CDH12: variants seen among roughly 807,000 people sequenced by gnomAD.
CDH12 encodes cadherin 12.
In CDH12, 41 loss-of-function variants were observed where a neutral mutation model predicts 74.1. That is an observed-to-expected ratio of 0.55 (90% confidence interval 0.43 to 0.72). CDH12 has a LOEUF of 0.72. Ranked by LOEUF, CDH12 falls within the 30% of genes least tolerant of loss-of-function variation. The pLI, the probability that CDH12 is intolerant of heterozygous loss-of-function variation, is 0.00. For missense variants in CDH12, 945 were observed against 977.2 expected (o/e 0.97, Z 0.44); for synonymous variants, 399 against 355.0 (o/e 1.12, Z -1.39).
At chr5:22,559,038 A>C (rs1164357228) in intron 1 of CDH12, among the ~76,000 whole-genome samples, 1 of 152,068 alleles carries the variant, frequency 6.6e-6, no homozygotes, top group Non-Finnish European at 1.5e-5. Context: ...CTCCTTTTCT[A>C]TCTACTCCTT....
chr5:22,732,456 G>GTA (rs746288133), intron 1 of CDH12, among the ~76,000 whole-genome samples: 1,514 of 105,898 alleles, frequency 0.014, 31 homozygotes, highest in African/African-American at 0.052. Flanking sequence ...GAATGTGTGT[G>GTA]TATATATATA....
chr5:21,882,562 C>T (rs1158812977), intron 6 of CDH12: 6 of 1,381,454 alleles, frequency 4.3e-6, no homozygotes, highest in Non-Finnish European at 6.2e-6. Flanking sequence ...TCGCCGCGCG[C>T]ATGCCCTGCA....
At chr5:21,941,519 G>T (rs1755327938) in intron 6 of CDH12, among the ~76,000 whole-genome samples, 1 of 151,560 alleles carries the variant, frequency 6.6e-6, no homozygotes, top group Non-Finnish European at 1.5e-5. Context: ...AATGTGACTG[G>T]TCATTCCCAT....
At chr5:22,262,801 T>C (rs1168467814) in intron 3 of CDH12, among the ~76,000 whole-genome samples, 3 of 151,980 alleles carry the variant, frequency 2.0e-5, no homozygotes, top group Non-Finnish European at 4.4e-5. Flanking sequence ...TTTTAATGAT[T>C]GCCATTCTAA....
chr5:22,654,586 G>A (rs1233469095), intron 1 of CDH12, among the ~76,000 whole-genome samples: 1 of 144,328 alleles, frequency 6.9e-6, no homozygotes, highest in Non-Finnish European at 1.5e-5. Context: ...CACCACATCC[G>A]GCCTCGATGT....
intron 5 of CDH12, among the ~76,000 whole-genome samples, chr5:22,010,934 C>G (rs1435945533): frequency 6.6e-6 from 1 of 151,926 alleles, no homozygotes; most frequent in Non-Finnish European, 1.5e-5. Flanking sequence ...GGATGTTTGA[C>G]TTCAAGGATT....
At chr5:21,950,386 C>T (rs2547565) in intron 6 of CDH12, among the ~76,000 whole-genome samples, 3 of 151,990 alleles carry the variant, frequency 2.0e-5, no homozygotes, top group South Asian at 4.2e-4. Context: ...AACATGTTTA[C>T]GTAACCCATT....
Position 21,975,481 on chromosome 5 carries a change from G to A in CDH12, c.232-96C>T, listed in dbSNP as rs536169024. 1,247 of 791,994 alleles carry A rather than the reference G, an allele frequency of 1.6e-3. 1 individual carries two copies. Among genetic ancestry groups the A allele is most frequent in the Non-Finnish European group, 2.2e-3 (1,109 of 513,958 alleles). The allele number at this position is 791,994 out of a possible 1,614,324, so 49.1% of individuals were successfully genotyped here. The stretch of plus-strand genomic sequence containing the variant: ...GTGCCAAATTAAAAAGTCATAATTT[G>A]CAATACAATTCCTTTAATCAAAAAT... On this transcript the variant is annotated intron_variant, in intron 5 of 14. Coordinates refer to ENST00000382254, the MANE Select transcript of CDH12 (RefSeq NM_004061.5).
intron 3 of CDH12, among the ~76,000 whole-genome samples, chr5:22,382,012 G>A (rs560384378): frequency 2.0e-5 from 3 of 148,212 alleles, no homozygotes; most frequent in Non-Finnish European, 4.5e-5. Flanking sequence ...GTCCCTTTAT[G>A]TTGCTTTGGC....
chr5:22,225,914 C>CAAA (rs1420963869), intron 3 of CDH12, among the ~76,000 whole-genome samples: 1 of 151,792 alleles, frequency 6.6e-6, no homozygotes, highest in East Asian at 1.9e-4. Flanking sequence ...ACAATAACAA[C>CAAA]AACAACAACA....
chr5:22,309,671 C>A (rs566245046), intron 3 of CDH12, among the ~76,000 whole-genome samples: 2 of 152,080 alleles, frequency 1.3e-5, no homozygotes, highest in East Asian at 3.9e-4. Flanking sequence ...CTATAGTCCT[C>A]ATGTTGTACA....
Position 21,880,001 on chromosome 5 carries a change from G to C in CDH12, c.527-25211C>G, listed in dbSNP as rs561401347. ...GGTCTTAAGAAAGAAGCTGTGAGCA[G>C]ACAGTTCTGATGTCCTTGCTTATAC... On this transcript the variant is annotated intron_variant, in intron 6 of 14. Transcript: ENST00000382254. 2.6e-5 allele frequency among the ~76,000 whole-genome samples: 4 copies of C among 152,310 alleles called. No individual in the cohort carries two copies. In the East Asian group the frequency reaches 7.7e-4, roughly 29 times the overall value.
Position 21,861,853 on chromosome 5 carries a change from T to A in CDH12, c.527-7063A>T, listed in dbSNP as rs185002534. On this transcript the variant is annotated intron_variant, in intron 6 of 14. Coordinates refer to ENST00000382254, the MANE Select transcript of CDH12 (RefSeq NM_004061.5). Reference sequence around the variant, plus strand: ...CCATATCCTAATTATATGTATTTTTTATTTTATGCTTGAACTTTAACAGCA... The same window carrying A: ...CCATATCCTAATTATATGTATTTTTAATTTTATGCTTGAACTTTAACAGCA... Among the ~76,000 whole-genome samples, 3 of 152,038 alleles carry A rather than the reference T, an allele frequency of 2.0e-5. No individual in the cohort carries two copies. In the East Asian group the frequency reaches 5.8e-4, roughly 29 times the overall value.
chr5:22,440,409 C>A (rs765596149), intron 2 of CDH12, among the ~76,000 whole-genome samples: 4 of 152,014 alleles, frequency 2.6e-5, no homozygotes, highest in African/African-American at 4.8e-5. Flanking sequence ...AGCCATAATA[C>A]CTCTAAAACT....
At chr5:22,437,782 A>G (rs910697347) in intron 2 of CDH12, among the ~76,000 whole-genome samples, 2 of 151,998 alleles carry the variant, frequency 1.3e-5, no homozygotes, top group African/African-American at 2.4e-5. Context: ...TAACTTAGGC[A>G]TTCTCTAAGA....
chr5:22,171,112 T>C (rs58887504), intron 4 of CDH12, among the ~76,000 whole-genome samples: 55,420 of 151,688 alleles, frequency 0.37, 11,721 homozygotes, highest in East Asian at 0.73. Flanking sequence ...AGAACTTGCA[T>C]GGTCCACTGA....
chr5:21,953,456 A>T (rs1388002515), intron 6 of CDH12, among the ~76,000 whole-genome samples: 1 of 151,604 alleles, frequency 6.6e-6, no homozygotes, highest in Non-Finnish European at 1.5e-5. Flanking sequence ...CTCTGAATAA[A>T]CCTCTTTAAA....
intron 1 of CDH12, among the ~76,000 whole-genome samples, chr5:22,540,195 A>G (rs1454224217): frequency 2.6e-5 from 4 of 152,114 alleles, no homozygotes; most frequent in African/African-American, 9.7e-5. Context: ...ATATATTCAT[A>G]TATGTCTCAT....
At chr5:21,816,908 A>G (rs1748083878) in intron 9 of CDH12, 37 bp downstream of exon 9, 2 of 1,247,884 alleles carry the variant, frequency 1.6e-6, no homozygotes, top group African/African-American at 3.1e-5. Context: ...TTTAATTATT[A>G]TTTAGTAGTC....
Sources: allele counts gnomAD v4.1 joint callset (sites outside exome capture counted in the v4.1 genomes callset), GRCh38; gene constraint gnomAD v4.1.1; transcripts MANE v1.5; gene names NCBI Gene and HGNC (gene_info 2026-07-23, HGNC 2026-07-21).